The following PDZD8 variants were observed in gnomAD, a reference collection of about 807,000 sequenced individuals.
The protein encoded by PDZD8 is PDZ domain containing 8.
Under a neutral mutation model 85.8 loss-of-function variants are expected in PDZD8, and 14 were observed. That is an observed-to-expected ratio of 0.16 (90% CI 0.11 to 0.26). The LOEUF (loss-of-function observed/expected upper bound fraction) is 0.26, where lower values mean the gene tolerates loss of function less well. Ranked by LOEUF, PDZD8 falls within the 10% of genes least tolerant of loss-of-function variation. The pLI is 1.00. For synonymous variants in PDZD8, 592 were observed against 568.6 expected (o/e 1.04, Z -0.59); for missense variants, 1,197 against 1,424.3 (o/e 0.84, Z 2.57).
chr10:117,316,285 G>A (rs1283401414), intron 3 of PDZD8, among the ~76,000 whole-genome samples: 1 of 152,036 alleles, frequency 6.6e-6, no homozygotes, highest in East Asian at 1.9e-4. Flanking sequence ...TTTCTAATAA[G>A]GTATTTCTAA....
intron 4 of PDZD8, among the ~76,000 whole-genome samples, chr10:117,286,396 G>C (rs912824110): frequency 1.3e-5 from 2 of 152,158 alleles, no homozygotes. Flanking sequence ...GTAGAACTTA[G>C]AGAAAGAATG....
Position 117,313,576 on chromosome 10 carries a change from T to C in PDZD8, c.1098+5296A>G, listed in dbSNP as rs147066310. On this transcript the variant is annotated intron_variant, in intron 3 of 4. Coordinates refer to ENST00000334464, the MANE Select transcript of PDZD8 (RefSeq NM_173791.5). ...TCCCACATCTCTAAGCCAGATCTAA[T>C]TGTGACAAAATATTCTCCTAGGAAT... is the stretch of plus-strand genomic sequence containing the variant. 6.2e-3 allele frequency among the ~76,000 whole-genome samples: 946 copies of C among 152,294 alleles called. 6 individuals are homozygous for C. The highest frequency in any genetic ancestry group is 0.022 in the African/African-American group (908 of 41,574).
intron 3 of PDZD8, among the ~76,000 whole-genome samples, chr10:117,303,100 T>C (rs1253465236): frequency 6.6e-6 from 1 of 152,172 alleles, no homozygotes; most frequent in Admixed American, 6.6e-5. Context: ...TGGAACAGTT[T>C]GGAAGGCTCA....
chr10:117,316,821 C>T (rs1199209204), intron 3 of PDZD8, among the ~76,000 whole-genome samples: 2 of 152,206 alleles, frequency 1.3e-5, no homozygotes, highest in African/African-American at 4.8e-5. Context: ...AAAATGGCTT[C>T]TCATACTGTA....
intron 2 of PDZD8, among the ~76,000 whole-genome samples, chr10:117,330,861 C>T (rs1218795337): frequency 6.6e-6 from 1 of 152,216 alleles, no homozygotes; most frequent in Non-Finnish European, 1.5e-5. Context: ...CAGACAAGAC[C>T]TGGAAAATAC....
intron 2 of PDZD8, among the ~76,000 whole-genome samples, chr10:117,329,874 G>A (rs983228177): frequency 6.7e-5 from 10 of 150,344 alleles, no homozygotes; most frequent in South Asian, 2.1e-4. Flanking sequence ...TGAGCCTGGC[G>A]GGTGGAGGTT....
At chr10:117,303,306 T>C (rs1337966675) in intron 3 of PDZD8, among the ~76,000 whole-genome samples, 1 of 152,194 alleles carries the variant, frequency 6.6e-6, no homozygotes, top group African/African-American at 2.4e-5. Flanking sequence ...ATTTTACCCC[T>C]GCCCTAGAGA....
At chr10:117,305,439 TACACAC>T (rs58859667) in intron 3 of PDZD8, among the ~76,000 whole-genome samples, 10 of 146,088 alleles carry the variant, frequency 6.8e-5, no homozygotes, top group African/African-American at 2.1e-4. Context: ...ACAAACAAAA[TACACAC>T]ACACACACAC....
chr10:117,327,725 G>T (rs1455450432), intron 2 of PDZD8, among the ~76,000 whole-genome samples: 1 of 152,106 alleles, frequency 6.6e-6, no homozygotes, highest in Non-Finnish European at 1.5e-5. Context: ...GGTACACATT[G>T]CTTCACATAC....
chr10:117,371,171 T>A (rs1229071591), intron 1 of PDZD8, among the ~76,000 whole-genome samples: 1 of 152,138 alleles, frequency 6.6e-6, no homozygotes, highest in Non-Finnish European at 1.5e-5. Context: ...CATCACCAGT[T>A]TGTTTATTTA....
At chr10:117,339,606 T>C (rs1422010041) in intron 2 of PDZD8, among the ~76,000 whole-genome samples, 1 of 152,236 alleles carries the variant, frequency 6.6e-6, no homozygotes, top group African/African-American at 2.4e-5. Context: ...GAATATTTTA[T>C]AACATATGAA....
chr10:117,297,181 T>A (rs1051758848), intron 3 of PDZD8, among the ~76,000 whole-genome samples: 2 of 152,072 alleles, frequency 1.3e-5, no homozygotes, highest in Non-Finnish European at 2.9e-5. Flanking sequence ...AGATGTTCAA[T>A]TAGCCATTAG....
Position 117,296,885 on chromosome 10 carries a change from T to C in PDZD8, c.1099-6537A>G, listed in dbSNP as rs1843767752. ...TTATGACACTGAGTTGGGCAAAGAT[T>C]TCTTAAACATGACACAAACAGTATA... On this transcript the variant is annotated intron_variant, in intron 3 of 4. Coordinates refer to ENST00000334464, the MANE Select transcript of PDZD8 (RefSeq NM_173791.5). 2.6e-5 allele frequency among the ~76,000 whole-genome samples: 4 copies of C among 152,088 alleles called. No individual in the cohort carries two copies. In the South Asian group the frequency reaches 8.3e-4, roughly 32 times the overall value.
At chr10:117,322,037 A>G (rs1030833579) in intron 2 of PDZD8, among the ~76,000 whole-genome samples, 1 of 152,190 alleles carries the variant, frequency 6.6e-6, no homozygotes, top group Non-Finnish European at 1.5e-5. Flanking sequence ...ATACCACAGA[A>G]AAAGTTTTTG....
At chr10:117,356,882 T>C (rs1029014244) in intron 1 of PDZD8, among the ~76,000 whole-genome samples, 2 of 152,176 alleles carry the variant, frequency 1.3e-5, no homozygotes, top group Admixed American at 6.5e-5. Context: ...GCTCCCCCTT[T>C]CCATGATATA....
At chr10:117,291,624 C>T (rs1589997233) in intron 3 of PDZD8, among the ~76,000 whole-genome samples, 1 of 151,446 alleles carries the variant, frequency 6.6e-6, no homozygotes, top group African/African-American at 2.4e-5. Flanking sequence ...GTGGGAGGAC[C>T]ATTTGAGCCC....
intron 3 of PDZD8, among the ~76,000 whole-genome samples, chr10:117,307,340 G>A (rs1843960974): frequency 6.6e-6 from 1 of 151,974 alleles, no homozygotes; most frequent in East Asian, 1.9e-4. Flanking sequence ...GCAAGTTTCT[G>A]CAAACAAATG....
intron 3 of PDZD8, among the ~76,000 whole-genome samples, chr10:117,316,640 T>C (rs567871854): frequency 6.6e-6 from 1 of 152,228 alleles, no homozygotes; most frequent in Admixed American, 6.5e-5. Context: ...TAGTAAGCCA[T>C]GATTGTGCCA....
intron 1 of PDZD8, among the ~76,000 whole-genome samples, chr10:117,364,356 A>G (rs761400398): frequency 5.3e-5 from 8 of 152,144 alleles, no homozygotes; most frequent in African/African-American, 1.9e-4. Context: ...TATGTTCCAT[A>G]AATTATGTTT....
Sources: allele counts gnomAD v4.1 joint callset (sites outside exome capture counted in the v4.1 genomes callset), GRCh38; gene constraint gnomAD v4.1.1; transcripts MANE v1.5; gene names NCBI Gene and HGNC (gene_info 2026-07-23, HGNC 2026-07-21).